SBNO2: variants seen among roughly 807,000 people sequenced by gnomAD.
SBNO2 encodes the protein strawberry notch homolog 2.
In SBNO2, 89 loss-of-function variants were observed where a neutral mutation model predicts 146.3. That is an observed-to-expected ratio of 0.61 (90% CI 0.51 to 0.73). The LOEUF (loss-of-function observed/expected upper bound fraction) is 0.73, where lower values mean the gene tolerates loss of function less well. SBNO2 is among the 30% of genes least tolerant of loss of function. The probability of loss-of-function intolerance (pLI) is 0.00; values close to 1 mark genes in which losing one functional copy is unlikely to be tolerated. For synonymous variants in SBNO2, 1,147 were observed against 892.6 expected, an observed-to-expected ratio of 1.29 and a Z score of -5.08; for missense variants, 2,092 against 2,003.7, an observed-to-expected ratio of 1.04 and a Z score of -0.84.
chr19:1,121,363 C>T (rs544088245), intron 11 of SBNO2, among the ~76,000 whole-genome samples: 266 of 152,300 alleles, frequency 1.7e-3, no homozygotes, highest in African/African-American at 6.0e-3. Context: ...ATTGTTCAGC[C>T]GGGTGCGAAG....
At position 1,140,521 on chromosome 19, in the gene SBNO2, GCA is replaced by G. The variant is rs2080125322; in HGVS notation, c.279+6786_279+6787del. 6.6e-6 allele frequency among the ~76,000 whole-genome samples: 1 copy of G among 152,112 alleles called. No homozygotes were observed. Among genetic ancestry groups the G allele is most frequent in the South Asian group, 2.1e-4 (1 of 4,836 alleles). On this transcript the variant is annotated intron_variant, in intron 4 of 31. Transcript: ENST00000361757. The surrounding 1 kb of genome is among the most constrained non-coding windows in gnomAD (Gnocchi z 4.4). Reference sequence around the variant, plus strand: ...CAGGGTGGCTGGAGGGCCGGGCAAGGCACACACGTGACACCGCGGGAGCCCCG... The same window carrying G: ...CAGGGTGGCTGGAGGGCCGGGCAAGGCACACGTGACACCGCGGGAGCCCCG...
At chr19:1,161,052 A>C (rs1165274154) in intron 1 of SBNO2, among the ~76,000 whole-genome samples, 1 of 121,542 alleles carries the variant, frequency 8.2e-6, no homozygotes. Flanking sequence ...CCAGACCGGG[A>C]GCACCGGGAG....
chr19:1,147,360 G>C lies in SBNO2; in HGVS notation c.228C>G (p.Ala76=). The change falls in exon 4 of 32, where the codon GCC becomes GCG. Residue 76 remains alanine, a synonymous_variant. Transcript: ENST00000361757. ...GSQPCPDTSY[A]PVATASSLPP... The stretch of plus-strand genomic sequence containing the variant: ...GCAAGCTGGAGGCGGTGGCCACGGG[G>C]GCATAGCTGGTGTCTGGGCAGGGCT... 1 of 1,564,112 alleles carries C rather than the reference G, an allele frequency of 6.4e-7. No individual in the cohort carries two copies. The highest frequency in any genetic ancestry group is 8.6e-7 in the Non-Finnish European group (1 of 1,160,860).
intron 14 of SBNO2, 52 bp from the exon 15 acceptor site, chr19:1,117,551 C>A: frequency 6.7e-7 from 1 of 1,500,766 alleles, no homozygotes; most frequent in Non-Finnish European, 8.9e-7. Context: ...TGGCTCCCGA[C>A]CCGGGCCCCG....
chr19:1,147,094 A>G lies in SBNO2; in HGVS notation c.279+215T>C, dbSNP rs536500568. Among the ~76,000 whole-genome samples the G allele has an allele frequency of 1.1e-3, 172 of 152,160 alleles. 1 individual carries two copies. The highest frequency in any genetic ancestry group is 3.9e-3 in the African/African-American group (161 of 41,514). On this transcript the variant is annotated intron_variant, in intron 4 of 31. Transcript: ENST00000361757. ...GGACCCCAAGGGCTGGGCGGGGCTC[A>G]CTGCTGACACGAAGGGCCAGTCACT...
intron 1 of SBNO2, chr19:1,154,954 C>T (rs1382753300): frequency 6.6e-6 from 1 of 152,500 alleles, no homozygotes; most frequent in Admixed American, 6.5e-5. Flanking sequence ...ACACCAGCAT[C>T]CCCACTGAGA....
chr19:1,117,155 A>G (rs1168130183), intron 15 of SBNO2, among the ~76,000 whole-genome samples, 168 bp downstream of exon 15: 1 of 152,034 alleles, frequency 6.6e-6, no homozygotes, highest in Non-Finnish European at 1.5e-5. Context: ...CGCTGTTCTG[A>G]CACCCTGGCT....
Position 1,110,770 on chromosome 19 carries a change from C to T in SBNO2, c.3003G>A (p.Glu1001=), listed in dbSNP as rs1301936635. The T allele has an allele frequency of 5.0e-6, 8 of 1,613,704 alleles. No individual in the cohort carries two copies. The South Asian group carries it at 5.5e-5, about 11-fold the overall frequency. ...FDHLIEMDKR[E]GKYDMGILDL... ...CCAGGATGCCCATGTCGTATTTGCC[C>T]TCCCGCTTGTCCATCTCGATGAGGT... The change falls in exon 26 of 32, where the codon GAG becomes GAA. Residue 1001 remains glutamate, a synonymous_variant. Transcript: ENST00000361757. The surrounding 1 kb of genome is among the most constrained non-coding windows in gnomAD (Gnocchi z 4.9).
intron 1 of SBNO2, among the ~76,000 whole-genome samples, chr19:1,160,476 G>A (rs371875334): frequency 6.6e-4 from 100 of 152,346 alleles, no homozygotes; most frequent in African/African-American, 2.3e-3. Flanking sequence ...GGGGAGACCC[G>A]GGGGAGGACG....
rs531624044 is a variant in SBNO2, at chr19:1,158,240, G to A, written c.-126-3838C>T. ...AGCACCTGTCGTGTGGAGCCCCTTCGCGCGCTCCGCCCTCAGACCCGAGCC... is the reference window on the plus strand; with the variant it reads ...AGCACCTGTCGTGTGGAGCCCCTTCACGCGCTCCGCCCTCAGACCCGAGCC... On this transcript the variant is annotated intron_variant, in intron 1 of 31. Transcript: ENST00000361757. This position sits in a 1 kb window ranked among gnomAD's most constrained non-coding sequence, Gnocchi z 9.9. 6.6e-5 allele frequency among the ~76,000 whole-genome samples: 10 copies of A among 152,320 alleles called. No individual in the cohort carries two copies. The highest frequency in any genetic ancestry group is 3.9e-4 in the East Asian group (2 of 5,192).
chr19:1,119,479 C>A (rs917639758), intron 13 of SBNO2, 37 bp downstream of exon 13: 5 of 1,420,776 alleles, frequency 3.5e-6, no homozygotes, highest in African/African-American at 2.8e-5. Context: ...CTCCCCACCC[C>A]CCGCCGCCCC....
intron 1 of SBNO2, among the ~76,000 whole-genome samples, chr19:1,167,174 T>C (rs1392499951): frequency 6.6e-6 from 1 of 152,256 alleles, no homozygotes; most frequent in African/African-American, 2.4e-5. Flanking sequence ...GTCCTGACAA[T>C]GGCCGCACAG....
intron 16 of SBNO2, 78 bp from the exon 17 acceptor site, chr19:1,116,181 C>T: frequency 7.5e-7 from 1 of 1,338,538 alleles, no homozygotes; most frequent in Non-Finnish European, 1.0e-6. Flanking sequence ...GCTGGACGCA[C>T]CCCTGGGTCC....
Position 1,135,578 on chromosome 19 carries a change from C to T in SBNO2, c.280-7813G>A, listed in dbSNP as rs545484603. 3.3e-4 allele frequency among the ~76,000 whole-genome samples: 51 copies of T among 152,344 alleles called. No individual in the cohort carries two copies. The East Asian group carries it at 9.1e-3, about 27-fold the overall frequency. On this transcript the variant is annotated intron_variant, in intron 4 of 31. Transcript: ENST00000361757. ...ACTACCCCACCCACCTCCGGCGCCC[C>T]GCGCCCAGTCCTGGGCTCCCGTGGC... is the stretch of plus-strand genomic sequence containing the variant.
chr19:1,144,532 G>GGAGACA lies in SBNO2; in HGVS notation c.279+2771_279+2776dup, dbSNP rs917396493. On this transcript the variant is annotated intron_variant, in intron 4 of 31. Coordinates refer to ENST00000361757, the MANE Select transcript of SBNO2 (RefSeq NM_014963.3). This position sits in a 1 kb window ranked among gnomAD's most constrained non-coding sequence, Gnocchi z 4.1. Reference sequence around the variant, plus strand: ...GAATTCATGAGACAGAGATGGAGACGGAGACAGAGACAGAGACATGGAGAG... The same window carrying GGAGACA: ...GAATTCATGAGACAGAGATGGAGACGGAGACAGAGACAGAGACAGAGACATGGAGAG... Among the ~76,000 whole-genome samples the GGAGACA allele has an allele frequency of 7.2e-5, 11 of 152,018 alleles. No individual in the cohort carries two copies. Among genetic ancestry groups the GGAGACA allele is most frequent in the Non-Finnish European group, 4.4e-5 (3 of 67,978 alleles).
Position 1,126,721 on chromosome 19 carries a change from G to A in SBNO2, c.441+883C>T, listed in dbSNP as rs754970629. On this transcript the variant is annotated intron_variant, in intron 5 of 31. Coordinates refer to ENST00000361757, the MANE Select transcript of SBNO2 (RefSeq NM_014963.3). The surrounding 1 kb of genome is among the most constrained non-coding windows in gnomAD (Gnocchi z 4.4). ...CACCACTGTGCCGGGAGCGTGCGGAGGCTGGCATGGGCCCTCACCGGAAGG... is the reference window on the plus strand; with the variant it reads ...CACCACTGTGCCGGGAGCGTGCGGAAGCTGGCATGGGCCCTCACCGGAAGG... 2.6e-5 allele frequency among the ~76,000 whole-genome samples: 4 copies of A among 152,230 alleles called. No homozygotes were observed. Among genetic ancestry groups the A allele is most frequent in the Non-Finnish European group, 5.9e-5 (4 of 68,028 alleles).
At chr19:1,111,391 G>A (rs1424462063) in intron 24 of SBNO2, 115 bp downstream of exon 24, 5 of 779,546 alleles carry the variant, frequency 6.4e-6, no homozygotes, top group African/African-American at 1.7e-5. Flanking sequence ...CCGTGTGTGG[G>A]GAGGGGTCAC....
At chr19:1,159,541 TG>T (rs1362505613) in intron 1 of SBNO2, among the ~76,000 whole-genome samples, 2 of 13,202 alleles carry the variant, frequency 1.5e-4, no homozygotes, top group African/African-American at 3.5e-4. Context: ...CAGGGGACAG[TG>T]GGGGGACAGC....
rs779910494 is a variant in SBNO2, at chr19:1,123,635, T to A, written c.527A>T (p.Gln176Leu). ...CTCCTCTGGCTGGCTCTGCACACTCTGCTCCTGCGTGCGTGGCGGGAGCTC... is the reference window on the plus strand; with the variant it reads ...CTCCTCTGGCTGGCTCTGCACACTCAGCTCCTGCGTGCGTGGCGGGAGCTC... Reference protein sequence around the residue: ...STPLLVSYQEQSVQSQPEEED... With the variant: ...STPLLVSYQELSVQSQPEEED... The change falls in exon 7 of 32, where the codon CAG (glutamine) becomes CTG (leucine). Residue 176 changes from glutamine (Q) to leucine (L), a missense_variant. Coordinates refer to ENST00000361757, the MANE Select transcript of SBNO2 (RefSeq NM_014963.3). The A allele has an allele frequency of 4.0e-5, 64 of 1,611,114 alleles. No individual in the cohort carries two copies. The highest frequency in any genetic ancestry group is 5.3e-5 in the Non-Finnish European group (63 of 1,179,154).
Sources: allele counts gnomAD v4.1 joint callset (sites outside exome capture counted in the v4.1 genomes callset), GRCh38; gene constraint gnomAD v4.1.1; non-coding constraint Gnocchi (gnomAD v3.1); transcripts MANE v1.5; gene names NCBI Gene and HGNC (gene_info 2026-07-23, HGNC 2026-07-21).